Variants in GSTCD observed in about 807,000 individuals in gnomAD.
GSTCD encodes the protein glutathione S-transferase C-terminal domain-containing protein.
GSTCD carries 44 observed loss-of-function variants against 68.3 expected under a neutral mutation model. The observed-to-expected ratio is 0.64, with a 90% CI of 0.51 to 0.83. The LOEUF is 0.83. Among genes scored for constraint, GSTCD ranks in the 40% least tolerant of loss-of-function variants. The probability of loss-of-function intolerance (pLI) is 0.00; values close to 1 mark genes in which losing one functional copy is unlikely to be tolerated. For synonymous variants in GSTCD, 273 were observed against 255.2 expected (o/e 1.07, Z -0.67); for missense variants, 739 against 735.9 (o/e 1.00, Z -0.05).
At chr4:105,803,174 C>T (rs184928687) in intron 5 of GSTCD, among the ~76,000 whole-genome samples, 9 of 152,148 alleles carry the variant, frequency 5.9e-5, no homozygotes, top group African/African-American at 1.9e-4. Flanking sequence ...TATTTTTCAT[C>T]TCATATGGCA....
intron 8 of GSTCD, among the ~76,000 whole-genome samples, chr4:105,827,911 A>G (rs1578516600): frequency 2.0e-5 from 3 of 152,136 alleles, no homozygotes; most frequent in African/African-American, 7.2e-5. Context: ...AAATTTTATA[A>G]TATGTGTATT....
chr4:105,831,714 C>T (rs937189391), intron 8 of GSTCD, among the ~76,000 whole-genome samples: 7 of 151,940 alleles, frequency 4.6e-5, no homozygotes, highest in Non-Finnish European at 1.0e-4. Context: ...GTTGTCAATC[C>T]TTTCCCTACT....
At chr4:105,753,850 A>T (rs1734090464) in intron 5 of GSTCD, among the ~76,000 whole-genome samples, 1 of 151,954 alleles carries the variant, frequency 6.6e-6, no homozygotes, top group African/African-American at 2.4e-5. Context: ...GCAAAAAGGC[A>T]TTTTCTTGAA....
At chr4:105,796,423 G>C (rs1735890788) in intron 5 of GSTCD, among the ~76,000 whole-genome samples, 1 of 152,116 alleles carries the variant, frequency 6.6e-6, no homozygotes, top group South Asian at 2.1e-4. Context: ...CTGGAATGTT[G>C]ATATTCACTC....
chr4:105,834,607 G>C lies in GSTCD; in HGVS notation c.1664+13G>C. On this transcript the variant is annotated intron_variant, in intron 9 of 11. Transcript: ENST00000515279. ...ATTTTCCAAAAAGGTGAGAAATTCA[G>C]TGTTCTACATAAGACACCAACATGG... The C allele has an allele frequency of 6.2e-7, 1 of 1,613,310 alleles. No individual in the cohort carries two copies. The highest frequency in any genetic ancestry group is 1.3e-5 in the African/African-American group (1 of 75,034).
intron 5 of GSTCD, among the ~76,000 whole-genome samples, chr4:105,786,643 A>T (rs1350660232): frequency 6.6e-6 from 1 of 152,022 alleles, no homozygotes; most frequent in Non-Finnish European, 1.5e-5. Flanking sequence ...TATTTCCATA[A>T]CAAAAGACAA....
At chr4:105,800,590 A>G (rs1736068774) in intron 5 of GSTCD, among the ~76,000 whole-genome samples, 1 of 152,216 alleles carries the variant, frequency 6.6e-6, no homozygotes, top group Non-Finnish European at 1.5e-5. Context: ...GATTTTATAA[A>G]TGTGTATGAC....
At chr4:105,748,880 GGCAAAATTGTCC>G (rs1450347385) in intron 5 of GSTCD, among the ~76,000 whole-genome samples, 1 of 151,740 alleles carries the variant, frequency 6.6e-6, no homozygotes, top group African/African-American at 2.4e-5. Flanking sequence ...AATTTTACTG[GGCAAAATTGTCC>G]ATTATGACAT....
At position 105,718,017 on chromosome 4, in the gene GSTCD, C is replaced by T. The variant is rs1462368690; in HGVS notation, c.404C>T (p.Thr135Ile). 6.2e-7 allele frequency: 1 copy of T among 1,607,164 alleles called. No individual in the cohort carries two copies. The highest frequency in any genetic ancestry group is 8.5e-7 in the Non-Finnish European group (1 of 1,177,632). The change falls in exon 2 of 12, where the codon ACT becomes ATT. Residue 135 changes from threonine (T) to isoleucine (I), a missense_variant. Thr to Ile is a moderately conservative substitution (Grantham distance 89, BLOSUM62 -1). Coordinates refer to ENST00000515279, the MANE Select transcript of GSTCD (RefSeq NM_001370181.1). ...ELLELLGFKK[T>I]CLKACAEVSQ... ...TTGGAACTTCTGGGCTTTAAAAAGA[C>T]TTGCTTGAAAGCCTGTGCTGAAGTA... is the stretch of plus-strand genomic sequence containing the variant.
chr4:105,826,413 G>A (rs1560849879), intron 8 of GSTCD, among the ~76,000 whole-genome samples: 1 of 151,906 alleles, frequency 6.6e-6, no homozygotes, highest in South Asian at 2.1e-4. Context: ...GAACATGTTA[G>A]TGTTGCTGCT....
intron 5 of GSTCD, among the ~76,000 whole-genome samples, chr4:105,800,171 G>C (rs940073341): frequency 6.6e-6 from 1 of 152,114 alleles, no homozygotes; most frequent in African/African-American, 2.4e-5. Context: ...TACATGGCTG[G>C]GGAGGCCTCA....
At position 105,754,757 on chromosome 4, in the gene GSTCD, G is replaced by A. The variant is rs73839014; in HGVS notation, c.1240+25258G>A. On this transcript the variant is annotated intron_variant, in intron 5 of 11. Transcript: ENST00000515279. ...CATCTAATAAACAAGACATTAAAAT[G>A]TTTGGAGGGGCTGGAAATAGGGTCA... is the stretch of plus-strand genomic sequence containing the variant. 6.1e-3 allele frequency among the ~76,000 whole-genome samples: 933 copies of A among 152,154 alleles called. 7 individuals carry two copies. Among genetic ancestry groups the A allele is most frequent in the African/African-American group, 0.021 (860 of 41,506 alleles).
At chr4:105,753,510 T>A (rs921641404) in intron 5 of GSTCD, among the ~76,000 whole-genome samples, 1 of 152,056 alleles carries the variant, frequency 6.6e-6, no homozygotes, top group African/African-American at 2.4e-5. Flanking sequence ...GTACAGACTT[T>A]TTTCTTGTCA....
intron 8 of GSTCD, among the ~76,000 whole-genome samples, chr4:105,833,191 G>A (rs951021135): frequency 2.6e-5 from 4 of 152,158 alleles, no homozygotes; most frequent in South Asian, 2.1e-4. Context: ...TTCGCTGGGC[G>A]CGGTGGCTCA....
chr4:105,806,198 G>GA (rs1348349659), intron 5 of GSTCD, among the ~76,000 whole-genome samples: 1 of 152,034 alleles, frequency 6.6e-6, no homozygotes, highest in Non-Finnish European at 1.5e-5. Flanking sequence ...CAGTCTTATT[G>GA]AAAATCCCTC....
chr4:105,779,852 T>A (rs1248409821), intron 5 of GSTCD, among the ~76,000 whole-genome samples: 1 of 152,216 alleles, frequency 6.6e-6, no homozygotes, highest in African/African-American at 2.4e-5. Flanking sequence ...ATTGGTTAGC[T>A]TTTTCAGACA....
chr4:105,767,579 T>C (rs1263645515), intron 5 of GSTCD, among the ~76,000 whole-genome samples: 1 of 152,190 alleles, frequency 6.6e-6, no homozygotes, highest in Non-Finnish European at 1.5e-5. Context: ...CTTTTGTAAA[T>C]AGCTTATTTA....
In GSTCD at chr4:105,790,084, C is replaced by T. The variant is rs568322948; in HGVS notation, c.1241-32870C>T. 2.0e-5 allele frequency among the ~76,000 whole-genome samples: 3 copies of T among 152,096 alleles called. No individual in the cohort carries two copies. The South Asian group carries it at 6.2e-4, about 32-fold the overall frequency. On this transcript the variant is annotated intron_variant, in intron 5 of 11. Transcript: ENST00000515279. Reference sequence around the variant, plus strand: ...TAGTTTGATATTATTACTAGTTTTGCTTTTCTACTCAGTGGAAATCCGTGC... The same window carrying T: ...TAGTTTGATATTATTACTAGTTTTGTTTTTCTACTCAGTGGAAATCCGTGC...
intron 5 of GSTCD, among the ~76,000 whole-genome samples, chr4:105,805,831 C>T (rs1722465155): frequency 6.6e-6 from 1 of 152,032 alleles, no homozygotes; most frequent in African/African-American, 2.4e-5. Flanking sequence ...TCTTCTTTCC[C>T]TCCCCCTATG....
Sources: allele counts gnomAD v4.1 joint callset (sites outside exome capture counted in the v4.1 genomes callset), GRCh38; gene constraint gnomAD v4.1.1; transcripts MANE v1.5; gene names NCBI Gene and HGNC (gene_info 2026-07-23, HGNC 2026-07-21).